Variants in TNFSF4 observed in about 807,000 individuals in gnomAD.
TNFSF4 encodes the protein TNF superfamily member 4.
Under a neutral mutation model 7.3 loss-of-function variants are expected in TNFSF4, and 4 were observed. The ratio of observed to expected loss-of-function variants is 0.55; its 90% confidence interval spans 0.27 to 1.25. The LOEUF (loss-of-function observed/expected upper bound fraction) is 1.25, where lower values mean the gene tolerates loss of function less well. Ranked by LOEUF, TNFSF4 falls within the 50% of genes most tolerant of loss-of-function variation. The probability of loss-of-function intolerance (pLI) is 0.12; values close to 1 mark genes in which losing one functional copy is unlikely to be tolerated. For synonymous variants in TNFSF4, 76 were observed against 83.7 expected (o/e 0.91, Z 0.50); for missense variants, 181 against 208.8 (o/e 0.87, Z 0.82).
At chr1:173,357,899 A>G in the TNFSF4 span, among the ~76,000 whole-genome samples, 1 of 152,204 alleles carries the variant, frequency 6.6e-6, no homozygotes, top group Non-Finnish European at 1.5e-5. Context: ...ACACTATAGT[A>G]TAGATAAGGT....
chr1:173,390,386 T>C, the TNFSF4 span, among the ~76,000 whole-genome samples: 1 of 152,174 alleles, frequency 6.6e-6, no homozygotes, highest in African/African-American at 2.4e-5. Flanking sequence ...CTACAACCTT[T>C]CCAAGTTTTC....
chr1:173,222,628 T>C, the TNFSF4 span, among the ~76,000 whole-genome samples: 2 of 152,180 alleles, frequency 1.3e-5, no homozygotes, highest in South Asian at 2.1e-4. Context: ...AACATATGAA[T>C]ACCTTTGTGA....
chr1:173,187,298 A>C (rs1649271807), intron 2 of TNFSF4, among the ~76,000 whole-genome samples: 1 of 152,224 alleles, frequency 6.6e-6, no homozygotes, highest in Non-Finnish European at 1.5e-5. Flanking sequence ...TGGCAACTTC[A>C]GTGCCTCCTT....
intron 1 of TNFSF4, among the ~76,000 whole-genome samples, chr1:173,203,301 T>A (rs186575870): frequency 1.3e-5 from 2 of 152,302 alleles, no homozygotes; most frequent in East Asian, 1.9e-4. Context: ...AATTCAATGA[T>A]TCTATATGTT....
chr1:173,179,955 G>C (rs562242346), downstream of TNFSF4, among the ~76,000 whole-genome samples: 3 of 152,096 alleles, frequency 2.0e-5, no homozygotes, highest in Non-Finnish European at 4.4e-5. Flanking sequence ...TCACAGAGCT[G>C]GTTTCTTCCA....
the TNFSF4 span, among the ~76,000 whole-genome samples, chr1:173,404,765 AG>A: frequency 6.6e-6 from 1 of 151,762 alleles, no homozygotes; most frequent in African/African-American, 2.4e-5. Flanking sequence ...CCAAGTAGCT[AG>A]GATTACAGGC....
the TNFSF4 span, among the ~76,000 whole-genome samples, chr1:173,276,853 C>T: frequency 2.0e-5 from 3 of 152,160 alleles, no homozygotes; most frequent in Admixed American, 6.5e-5. Context: ...GCGGGCTCAA[C>T]ATGGCTGCTT....
At chr1:173,207,787 T>A (rs1287011324), upstream of TNFSF4, among the ~76,000 whole-genome samples, 1 of 152,134 alleles carries the variant, frequency 6.6e-6, no homozygotes, top group Non-Finnish European at 1.5e-5. Context: ...AATAGGACAC[T>A]GGGTCATGCA....
chr1:173,198,948 C>T (rs936816210), intron 1 of TNFSF4, among the ~76,000 whole-genome samples: 1 of 152,036 alleles, frequency 6.6e-6, no homozygotes, highest in Non-Finnish European at 1.5e-5. Context: ...TAAACTAAAC[C>T]CTTCCTGTTA....
At chr1:173,308,746 A>C in the TNFSF4 span, among the ~76,000 whole-genome samples, 1 of 151,946 alleles carries the variant, frequency 6.6e-6, no homozygotes, top group African/African-American at 2.4e-5. Context: ...ATCAAAGGCT[A>C]GGAAGGAATT....
At chr1:173,203,668 C>T (rs913191194) in intron 1 of TNFSF4, among the ~76,000 whole-genome samples, 2 of 152,000 alleles carry the variant, frequency 1.3e-5, no homozygotes, top group African/African-American at 4.8e-5. Context: ...AGTATCTCTA[C>T]TTCTGTTGTT....
the TNFSF4 span, among the ~76,000 whole-genome samples, chr1:173,294,723 C>T: frequency 6.6e-6 from 1 of 151,728 alleles, no homozygotes; most frequent in South Asian, 2.1e-4. Context: ...ATGGGGCAAA[C>T]AATAGAGAAA....
chr1:173,436,664 T>A, the TNFSF4 span, among the ~76,000 whole-genome samples: 1 of 152,058 alleles, frequency 6.6e-6, no homozygotes, highest in Non-Finnish European at 1.5e-5. Context: ...TGCCTTGTCC[T>A]CCCAAAGTGC....
the TNFSF4 span, among the ~76,000 whole-genome samples, chr1:173,232,570 G>T: frequency 2.0e-5 from 3 of 152,134 alleles, no homozygotes; most frequent in Non-Finnish European, 4.4e-5. Flanking sequence ...AATGCTTCCA[G>T]TTTTTGCCCA....
chr1:173,262,609 T>C, the TNFSF4 span, among the ~76,000 whole-genome samples: 5 of 146,056 alleles, frequency 3.4e-5, no homozygotes, highest in East Asian at 2.0e-4. Context: ...TTTTTTTTTT[T>C]TTTTTTTTTT....
At chr1:173,197,291 T>C (rs1036600748) in intron 1 of TNFSF4, among the ~76,000 whole-genome samples, 1 of 152,136 alleles carries the variant, frequency 6.6e-6, no homozygotes, top group Non-Finnish European at 1.5e-5. Context: ...TCCCCAAAGA[T>C]CTAAAAGCAG....
chr1:173,254,377 T>C, the TNFSF4 span, among the ~76,000 whole-genome samples: 5 of 152,164 alleles, frequency 3.3e-5, no homozygotes, highest in African/African-American at 9.6e-5. Context: ...TGATTATTAA[T>C]ATCAGGCTGC....
the TNFSF4 span, among the ~76,000 whole-genome samples, chr1:173,403,110 C>T: frequency 1.3e-5 from 2 of 152,160 alleles, no homozygotes; most frequent in African/African-American, 4.8e-5. Context: ...CCTCAGCCTC[C>T]CAAAGTGCCA....
At chr1:173,412,139 A>T in the TNFSF4 span, among the ~76,000 whole-genome samples, 1 of 151,866 alleles carries the variant, frequency 6.6e-6, no homozygotes, top group Non-Finnish European at 1.5e-5. Context: ...AAAAAAGGAA[A>T]TAGTTAAAGG....
Sources: allele counts gnomAD v4.1 joint callset (sites outside exome capture counted in the v4.1 genomes callset), GRCh38; gene constraint gnomAD v4.1.1; transcripts MANE v1.5; gene names NCBI Gene and HGNC (gene_info 2026-07-23, HGNC 2026-07-21).